Variants in ASB5 observed in about 807,000 individuals in gnomAD.
ASB5 encodes ankyrin repeat and SOCS box containing 5, also known as ankyrin repeat and SOCS box protein 5.
ASB5 carries 45 observed loss-of-function variants against 42.1 expected under a neutral mutation model. The observed-to-expected ratio is 1.07, with a 90% confidence interval of 0.84 to 1.37. The LOEUF is 1.37. ASB5 is among the 40% of genes most tolerant of loss of function. The probability of loss-of-function intolerance (pLI) is 0.00; values close to 1 mark genes in which losing one functional copy is unlikely to be tolerated. For missense variants in ASB5, 402 were observed against 399.8 expected, an observed-to-expected ratio of 1.01 and a Z score of -0.05; for synonymous variants, 147 against 150.6, an observed-to-expected ratio of 0.98 and a Z score of 0.18.
In ASB5 at chr4:176,269,045, G is replaced by A. The variant is rs200212566; in HGVS notation, c.64C>T (p.Leu22Phe). 5.0e-5 allele frequency: 81 copies of A among 1,613,294 alleles called. No homozygotes were observed. Among genetic ancestry groups the A allele is most frequent in the Admixed American group, 2.0e-4 (12 of 59,918 alleles). The change falls in exon 1 of 7, where the codon CTT (leucine) becomes TTT (phenylalanine). Residue 22 changes from leucine (L) to phenylalanine (F), a missense_variant. Transcript: ENST00000296525. ...QQLSNVYFTI[L>F]SLFCFKLFVK... ...AAAAGCTTAAAACAGAACAGCGAAA[G>A]TATTGTAAAGTAGACATTGGATAAT...
At chr4:176,257,052 G>A (rs780970326) in intron 1 of ASB5, among the ~76,000 whole-genome samples, 1 of 152,190 alleles carries the variant, frequency 6.6e-6, no homozygotes, top group Admixed American at 6.5e-5. Flanking sequence ...ATTAGATTTT[G>A]TCTTTCACTA....
intron 5 of ASB5, among the ~76,000 whole-genome samples, chr4:176,219,577 T>TATATAA (rs796666958): frequency 0.051 from 450 of 8,886 alleles, 185 homozygotes; most frequent in Middle Eastern, 0.083. Flanking sequence ...ATTTGTATGA[T>TATATAA]ATATATATAT....
intron 1 of ASB5, among the ~76,000 whole-genome samples, chr4:176,248,045 C>T (rs963507907): frequency 2.6e-5 from 4 of 152,180 alleles, no homozygotes; most frequent in Non-Finnish European, 5.9e-5. Flanking sequence ...CAACAAAAAT[C>T]AAAATGGCAT....
At chr4:176,236,758 A>C (rs748586851) in intron 1 of ASB5, among the ~76,000 whole-genome samples, 5 of 152,146 alleles carry the variant, frequency 3.3e-5, no homozygotes, top group Non-Finnish European at 5.9e-5. Context: ...TGTTCTACTA[A>C]AACTTATGCA....
At chr4:176,215,912 T>C (rs919802679) in intron 6 of ASB5, among the ~76,000 whole-genome samples, 185 bp from the exon 7 acceptor site, 1 of 152,142 alleles carries the variant, frequency 6.6e-6, no homozygotes, top group Non-Finnish European at 1.5e-5. Context: ...CTTATTATAA[T>C]TGAGATATAT....
Position 176,252,885 on chromosome 4 carries a change from C to T in ASB5, c.196+16028G>A, listed in dbSNP as rs114068788. Among the ~76,000 whole-genome samples the T allele has an allele frequency of 3.5e-3, 534 of 152,270 alleles. 4 individuals carry two copies. The highest frequency in any genetic ancestry group is 0.012 in the African/African-American group (510 of 41,564). ...TGCAGTTTAAAGCCTTTTTTCTTCTCTACAAAGGAAGCATAACATAATACC... is the reference window on the plus strand; with the variant it reads ...TGCAGTTTAAAGCCTTTTTTCTTCTTTACAAAGGAAGCATAACATAATACC... On this transcript the variant is annotated intron_variant, in intron 1 of 6. Coordinates refer to ENST00000296525, the MANE Select transcript of ASB5 (RefSeq NM_080874.4).
At chr4:176,220,951 A>G (rs1183051537) in intron 5 of ASB5, among the ~76,000 whole-genome samples, 5 of 152,210 alleles carry the variant, frequency 3.3e-5, no homozygotes, top group Admixed American at 3.3e-4. Context: ...TGAGCTAGGA[A>G]GCCGACTTAT....
chr4:176,255,257 A>C (rs545807437), intron 1 of ASB5, among the ~76,000 whole-genome samples: 1 of 152,312 alleles, frequency 6.6e-6, no homozygotes, highest in African/African-American at 2.4e-5. Flanking sequence ...ATGGTCATAC[A>C]ACATTGGTGG....
intron 1 of ASB5, among the ~76,000 whole-genome samples, chr4:176,247,924 T>C (rs1753943389): frequency 6.6e-6 from 1 of 152,140 alleles, no homozygotes; most frequent in South Asian, 2.1e-4. Context: ...AATTTTAGGA[T>C]ACAAAATAAC....
chr4:176,259,370 C>T (rs10520339), intron 1 of ASB5, among the ~76,000 whole-genome samples: 16,360 of 152,098 alleles, frequency 0.11, 1,130 homozygotes, highest in Non-Finnish European at 0.14. Flanking sequence ...TGATGAATGA[C>T]GGAAACACCA....
chr4:176,245,924 CATT>C (rs1207338580), intron 1 of ASB5, among the ~76,000 whole-genome samples: 2 of 152,016 alleles, frequency 1.3e-5, no homozygotes, highest in Non-Finnish European at 2.9e-5. Flanking sequence ...GGAGGGATAA[CATT>C]AGGAGAAATA....
At chr4:176,239,698 G>T (rs973772312) in intron 1 of ASB5, among the ~76,000 whole-genome samples, 2 of 152,098 alleles carry the variant, frequency 1.3e-5, no homozygotes, top group African/African-American at 4.8e-5. Flanking sequence ...GCTTTAAGAA[G>T]GCTTTCTGTA....
intron 1 of ASB5, among the ~76,000 whole-genome samples, chr4:176,236,028 A>T (rs1345002133): frequency 6.6e-6 from 1 of 152,026 alleles, no homozygotes; most frequent in East Asian, 1.9e-4. Flanking sequence ...TATTTTCAGT[A>T]TATTTAAGGC....
chr4:176,223,795 A>ATTCTTG (rs1753292183), intron 2 of ASB5, among the ~76,000 whole-genome samples: 2 of 152,200 alleles, frequency 1.3e-5, no homozygotes, highest in Non-Finnish European at 2.9e-5. Context: ...CTCTGGGGAC[A>ATTCTTG]GCCTCTCATG....
intron 3 of ASB5, 97 bp from the exon 4 acceptor site, chr4:176,221,697 A>G (rs938986870): frequency 2.9e-5 from 34 of 1,163,434 alleles, no homozygotes; most frequent in Non-Finnish European, 2.3e-6. Flanking sequence ...GCTAACAGAA[A>G]TACGTAGGAA....
intron 1 of ASB5, among the ~76,000 whole-genome samples, chr4:176,236,843 A>C (rs192627335): frequency 3.0e-4 from 46 of 152,242 alleles, no homozygotes; most frequent in Non-Finnish European, 5.9e-4. Context: ...TATCTTTCAT[A>C]GTTTTCTATC....
chr4:176,249,393 A>G (rs541661032), intron 1 of ASB5: 8 of 152,320 alleles, frequency 5.3e-5, no homozygotes, highest in African/African-American at 1.9e-4. Context: ...AGGTAAAAAG[A>G]TTTTAAAATA....
upstream of ASB5, among the ~76,000 whole-genome samples, chr4:176,269,577 C>T (rs983337164): frequency 1.1e-4 from 16 of 152,272 alleles, no homozygotes; most frequent in Admixed American, 6.5e-4. Context: ...TAAATCAGTA[C>T]ACAGTCCATG....
chr4:176,246,062 G>T (rs1393151325), intron 1 of ASB5, among the ~76,000 whole-genome samples: 1 of 151,176 alleles, frequency 6.6e-6, no homozygotes, highest in Non-Finnish European at 1.5e-5. Context: ...AAATTACACA[G>T]ATAAAAAAAA....
Sources: allele counts gnomAD v4.1 joint callset (sites outside exome capture counted in the v4.1 genomes callset), GRCh38; gene constraint gnomAD v4.1.1; transcripts MANE v1.5; gene names NCBI Gene and HGNC (gene_info 2026-07-23, HGNC 2026-07-21).